ASH1L: variants seen among roughly 807,000 people sequenced by gnomAD.
ASH1L encodes histone-lysine N-methyltransferase ASH1L.
Under a neutral mutation model 269.0 loss-of-function variants are expected in ASH1L, and 23 were observed. The observed-to-expected ratio is 0.09, with a 90% CI of 0.06 to 0.12. ASH1L has a LOEUF of 0.12. ASH1L is among the 10% of genes least tolerant of loss of function. The pLI is 1.00. For synonymous variants in ASH1L, 1,187 were observed against 1,253.5 expected (o/e 0.95, Z 1.12); for missense variants, 2,912 against 3,567.8 (o/e 0.82, Z 4.68).
Position 155,478,826 on chromosome 1 carries a change from C to A in ASH1L, c.4044G>T (p.Lys1348Asn). The A allele has an allele frequency of 1.2e-6, 2 of 1,613,890 alleles. No individual in the cohort carries two copies. Among genetic ancestry groups the A allele is most frequent in the East Asian group, 2.2e-5 (1 of 44,858 alleles). The change falls in exon 3 of 28, where the codon AAG (lysine) becomes AAT (asparagine). Residue 1348 changes from lysine (K) to asparagine (N), a missense_variant. Lys to Asn is a moderately conservative substitution (Grantham distance 94). Around this residue, in one of 13 missense-constraint regions of ASH1L, gnomAD observed 789 missense variants for 897.6 expected, o/e 0.88. Coordinates refer to ENST00000392403, the MANE Select transcript of ASH1L (RefSeq NM_018489.3). The surrounding 1 kb of genome is among the most constrained non-coding windows in gnomAD (Gnocchi z 4.6). Reference protein sequence around the residue: ...LHYIRKPDLKKKRGRPPKMRE... With the variant: ...LHYIRKPDLKNKRGRPPKMRE... ...TCATCTTAGGGGGTCTCCCTCTTTT[C>A]TTTTTTAAGTCAGGTTTTCGAATGT...
chr1:155,406,626 C>T (rs1659314402), intron 6 of ASH1L, among the ~76,000 whole-genome samples: 1 of 152,074 alleles, frequency 6.6e-6, no homozygotes, highest in South Asian at 2.1e-4. Context: ...TGGTTTGAGC[C>T]TGGGAGAAAG....
rs747606454 is a variant in ASH1L, at chr1:155,481,236, G to T, written c.1634C>A (p.Ser545Tyr). 2 of 1,614,070 alleles carry T rather than the reference G, an allele frequency of 1.2e-6. No homozygotes were observed. Among genetic ancestry groups the T allele is most frequent in the Non-Finnish European group, 1.7e-6 (2 of 1,179,988 alleles). The stretch of plus-strand genomic sequence containing the variant: ...GCTTTCTCCTACTGCACTGAATGGG[G>T]ATTTAGCGGTAGATACATCAGAAGC... Reference protein sequence around the residue: ...GGASDVSTAKSPFSAVGESNL... With the variant: ...GGASDVSTAKYPFSAVGESNL... Residue 545 changes from serine (S) to tyrosine (Y), a missense_variant, in exon 3 of 28, where the codon TCC (serine) becomes TAC (tyrosine). Physicochemically the swap from Ser to Tyr is moderately radical, Grantham distance 144. Around this residue, in one of 13 missense-constraint regions of ASH1L, gnomAD observed 715 missense variants for 721.0 expected, o/e 0.99. Transcript: ENST00000392403.
At position 155,479,935 on chromosome 1, in the gene ASH1L, T is replaced by C. The variant is rs778268505; in HGVS notation, c.2935A>G (p.Met979Val). The C allele has an allele frequency of 1.2e-6, 2 of 1,613,484 alleles. No homozygotes were observed. ...KITKRNNGQL[M>V]KTIIRKINKM... ...TTTATTTTGCGGATAATTGTTTTCA[T>C]TAATTGTCCATTGTTTCTCTTGGTA... Residue 979 changes from methionine to valine, a missense_variant, in exon 3 of 28, where the codon ATG becomes GTG. Physicochemically the swap from Met to Val is conservative, Grantham distance 21. This residue lies in a region of ASH1L where 715 missense variants were observed against 721.0 expected (regional missense o/e 0.99). Coordinates refer to ENST00000392403, the MANE Select transcript of ASH1L (RefSeq NM_018489.3).
At chr1:155,556,645 G>A (rs1014365011) in intron 1 of ASH1L, among the ~76,000 whole-genome samples, 23 of 152,128 alleles carry the variant, frequency 1.5e-4, no homozygotes, top group African/African-American at 4.6e-4. Flanking sequence ...GTTTCACCAC[G>A]TTAGCCAGGA....
At chr1:155,346,550 G>C in intron 20 of ASH1L, 81 bp from the exon 21 acceptor site, 2 of 1,161,662 alleles carry the variant, frequency 1.7e-6, no homozygotes, top group Middle Eastern at 4.6e-4. Context: ...TAAAAAATTA[G>C]CAATAGGTCA....
chr1:155,352,810 C>T lies in ASH1L; in HGVS notation c.7262G>A (p.Arg2421Gln). Residue 2421 changes from arginine (R) to glutamine (Q), a missense_variant, in exon 17 of 28, where the codon CGA becomes CAA. Physicochemically the swap from Arg to Gln is conservative, Grantham distance 43. Around this residue, in one of 13 missense-constraint regions of ASH1L, gnomAD observed 309 missense variants for 435.1 expected, o/e 0.71. Coordinates refer to ENST00000392403, the MANE Select transcript of ASH1L (RefSeq NM_018489.3). ...FSALQTARSV[R>Q]TRRLAAAEEN... ...CTCTGCAGCTGCCAACCGTCTTGTT[C>T]GAACAGATCGAGCTGTCTGCAGGGC... 6.2e-7 allele frequency: 1 copy of T among 1,614,058 alleles called. No individual in the cohort carries two copies. The highest frequency in any genetic ancestry group is 8.5e-7 in the Non-Finnish European group (1 of 1,180,012).
At position 155,478,122 on chromosome 1, in the gene ASH1L, G is replaced by A. The variant is rs1307913661; in HGVS notation, c.4748C>T (p.Ser1583Phe). The change falls in exon 3 of 28, where the codon TCT (serine) becomes TTT (phenylalanine). Residue 1583 changes from serine to phenylalanine, a missense_variant. By Grantham distance (155) the Ser-to-Phe change is radical. Coordinates refer to ENST00000392403, the MANE Select transcript of ASH1L (RefSeq NM_018489.3). The surrounding 1 kb of genome is among the most constrained non-coding windows in gnomAD (Gnocchi z 4.6). Reference sequence around the variant, plus strand: ...GAATCCTCCAAGGGATAAGCTTGGAGAACTTTCTGAACAGTCAATCTGTAA... The same window carrying A: ...GAATCCTCCAAGGGATAAGCTTGGAAAACTTTCTGAACAGTCAATCTGTAA... ...TPLQIDCSES[S>F]PSLSLGGFTP... The A allele has an allele frequency of 3.7e-6, 6 of 1,614,128 alleles. No individual in the cohort carries two copies. The East Asian group carries it at 8.9e-5, about 24-fold the overall frequency.
intron 24 of ASH1L, 28 bp from the exon 25 acceptor site, chr1:155,342,130 C>G: frequency 6.2e-7 from 1 of 1,607,440 alleles, no homozygotes; most frequent in Non-Finnish European, 8.5e-7. Flanking sequence ...GTTAAGGAAT[C>G]CTATTTAGCC....
chr1:155,373,375 C>A (rs1017368463), intron 10 of ASH1L, among the ~76,000 whole-genome samples: 2 of 151,900 alleles, frequency 1.3e-5, no homozygotes, highest in African/African-American at 2.4e-5. Context: ...GCAGCTCTGA[C>A]CACCTGGGCT....
chr1:155,377,358 T>G (rs1656544829), intron 10 of ASH1L, among the ~76,000 whole-genome samples: 1 of 152,176 alleles, frequency 6.6e-6, no homozygotes, highest in Non-Finnish European at 1.5e-5. Context: ...CTCTTCACTC[T>G]CACTGCCACT....
At chr1:155,535,188 T>TAAA (rs762665819) in intron 1 of ASH1L, among the ~76,000 whole-genome samples, 3 of 137,604 alleles carry the variant, frequency 2.2e-5, no homozygotes, top group Non-Finnish European at 4.8e-5. Flanking sequence ...AAACTCCATT[T>TAAA]AAAAAAAAAA....
At chr1:155,511,727 A>G (rs1317164183) in intron 2 of ASH1L, among the ~76,000 whole-genome samples, 2 of 152,102 alleles carry the variant, frequency 1.3e-5, no homozygotes, top group Admixed American at 6.6e-5. Flanking sequence ...CATAGTCTCG[A>G]TCTCTTGACC....
chr1:155,492,251 T>C lies in ASH1L; in HGVS notation c.421-9802A>G, dbSNP rs182235716. Among the ~76,000 whole-genome samples, 50 of 150,902 alleles carry C rather than the reference T, an allele frequency of 3.3e-4. No individual in the cohort carries two copies. The East Asian group carries it at 8.2e-3, about 25-fold the overall frequency. ...TTGGTAGAGACAGGGTTTCTCCACATTGGTCAGGCTGGTCTCGAACTCCCA... is the reference window on the plus strand; with the variant it reads ...TTGGTAGAGACAGGGTTTCTCCACACTGGTCAGGCTGGTCTCGAACTCCCA... On this transcript the variant is annotated intron_variant, in intron 2 of 27. Coordinates refer to ENST00000392403, the MANE Select transcript of ASH1L (RefSeq NM_018489.3).
chr1:155,461,112 T>C (rs573245070), intron 3 of ASH1L, among the ~76,000 whole-genome samples: 1 of 152,116 alleles, frequency 6.6e-6, no homozygotes, highest in Non-Finnish European at 1.5e-5. Flanking sequence ...GTACAATAAA[T>C]CAAAAAGTTG....
intron 13 of ASH1L, among the ~76,000 whole-genome samples, chr1:155,359,870 C>T (rs1036394511): frequency 1.3e-5 from 2 of 151,280 alleles, no homozygotes; most frequent in East Asian, 2.0e-4. Flanking sequence ...TAAGCCATTG[C>T]GCCTGACCTC....
chr1:155,501,193 T>TG (rs1475910454), intron 2 of ASH1L, among the ~76,000 whole-genome samples: 1 of 152,178 alleles, frequency 6.6e-6, no homozygotes, highest in African/African-American at 2.4e-5. Context: ...AAAAATGTTT[T>TG]GTCTTTCTTC....
chr1:155,551,866 C>T (rs1468165727), intron 1 of ASH1L, among the ~76,000 whole-genome samples: 1 of 150,006 alleles, frequency 6.7e-6, no homozygotes, highest in South Asian at 2.1e-4. Flanking sequence ...ATCCCAGTGA[C>T]TTGGGAGGCT....
rs758300363 is a variant in ASH1L, at chr1:155,338,397, G to A, written c.8502-7C>T. 2.5e-6 allele frequency: 4 copies of A among 1,608,670 alleles called. No individual in the cohort carries two copies. Among genetic ancestry groups the A allele is most frequent in the Middle Eastern group, 3.3e-4 (2 of 6,010 alleles). ...CTCAGACTTCCAGGATGATCTGCCA[G>A]AAGGATATCTGAATTTAGTGTAAGA... is the stretch of plus-strand genomic sequence containing the variant. On this transcript the variant is annotated splice_region_variant and splice_polypyrimidine_tract_variant and intron_variant, in intron 26 of 27. Transcript: ENST00000392403.
chr1:155,357,186 T>C (rs58647953), intron 15 of ASH1L, 130 bp downstream of exon 15: 9,917 of 394,836 alleles, frequency 0.025, 812 homozygotes, highest in African/African-American at 0.19. Flanking sequence ...TCCAGGTTCA[T>C]AGATCCCCTG....
Sources: allele counts gnomAD v4.1 joint callset (sites outside exome capture counted in the v4.1 genomes callset), GRCh38; gene constraint gnomAD v4.1.1; regional missense constraint gnomAD v4.1.1; non-coding constraint Gnocchi (gnomAD v3.1); transcripts MANE v1.5; gene names NCBI Gene and HGNC (gene_info 2026-07-23, HGNC 2026-07-21).